Variants in HTR1F observed in about 807,000 individuals in gnomAD.
HTR1F encodes the protein 5-hydroxytryptamine (serotonin) receptor 1F, G protein-coupled.
In HTR1F, 17 loss-of-function variants were observed where a neutral mutation model predicts 24.0. The observed-to-expected ratio is 0.71, with a 90% CI of 0.48 to 1.06. The LOEUF is 1.06. Among genes scored for constraint, HTR1F ranks in the 50% least tolerant of loss-of-function variants. The pLI, the probability that HTR1F is intolerant of heterozygous loss-of-function variation, is 0.00. For missense variants in HTR1F, 391 were observed against 427.8 expected (o/e 0.91, Z 0.76); for synonymous variants, 186 against 156.8 (o/e 1.19, Z -1.39).
intron 2 of HTR1F, among the ~76,000 whole-genome samples, chr3:87,906,361 G>A (rs73847706): frequency 0.089 from 13,546 of 151,986 alleles, 647 homozygotes; most frequent in African/African-American, 0.12. Flanking sequence ...GTCATTATAT[G>A]ACTATTTTGA....
intron 2 of HTR1F, among the ~76,000 whole-genome samples, chr3:87,886,438 A>G (rs549985978): frequency 6.6e-6 from 1 of 152,212 alleles, no homozygotes; most frequent in East Asian, 1.9e-4. Context: ...CACAAGACAG[A>G]GATGCCCTCT....
At chr3:87,954,466 T>C (rs747488754) in intron 2 of HTR1F, among the ~76,000 whole-genome samples, 12 of 151,718 alleles carry the variant, frequency 7.9e-5, no homozygotes, top group South Asian at 4.1e-4. Context: ...ACTTTTAGAT[T>C]AAACCTGTTC....
chr3:87,824,135 A>G (rs958141769), intron 2 of HTR1F, among the ~76,000 whole-genome samples: 1 of 152,072 alleles, frequency 6.6e-6, no homozygotes, highest in Non-Finnish European at 1.5e-5. Context: ...GATATCAAAG[A>G]GCTATAAATC....
chr3:87,888,645 A>T (rs968843841), intron 2 of HTR1F, among the ~76,000 whole-genome samples: 20 of 152,290 alleles, frequency 1.3e-4, no homozygotes, highest in Non-Finnish European at 2.4e-4. Context: ...GAAGTATAAC[A>T]CTAAATAATT....
chr3:87,889,122 G>T (rs1214933663), intron 2 of HTR1F, among the ~76,000 whole-genome samples: 2 of 152,016 alleles, frequency 1.3e-5, no homozygotes, highest in African/African-American at 4.8e-5. Flanking sequence ...TGCCTCTCTG[G>T]CCATGTAATC....
At chr3:87,929,793 G>C (rs1252195211) in intron 2 of HTR1F, among the ~76,000 whole-genome samples, 1 of 151,956 alleles carries the variant, frequency 6.6e-6, no homozygotes, top group African/African-American at 2.4e-5. Flanking sequence ...GCTCTTTTTG[G>C]GCTCCATATG....
chr3:87,967,883 A>G (rs937212858), intron 2 of HTR1F, among the ~76,000 whole-genome samples: 8 of 152,156 alleles, frequency 5.3e-5, no homozygotes, highest in Non-Finnish European at 8.8e-5. Flanking sequence ...GCGCAGCTGT[A>G]AAGATACCTG....
chr3:87,934,794 C>T (rs943257435), intron 2 of HTR1F, among the ~76,000 whole-genome samples: 1 of 152,138 alleles, frequency 6.6e-6, no homozygotes, highest in African/African-American at 2.4e-5. Flanking sequence ...AGCAATTTAC[C>T]TCACAGCCTA....
At chr3:87,978,861 G>C (rs1303684698) in intron 2 of HTR1F, among the ~76,000 whole-genome samples, 3 of 121,078 alleles carry the variant, frequency 2.5e-5, no homozygotes, top group African/African-American at 8.9e-5. Flanking sequence ...GGAGTGGAAA[G>C]AAGGATGGAA....
intron 2 of HTR1F, among the ~76,000 whole-genome samples, chr3:87,940,745 A>G (rs1358078126): frequency 1.3e-5 from 2 of 152,238 alleles, no homozygotes; most frequent in Non-Finnish European, 2.9e-5. Flanking sequence ...TGCAGTAACC[A>G]AAACAGCATG....
At chr3:87,876,020 G>C (rs1575974904) in intron 2 of HTR1F, among the ~76,000 whole-genome samples, 1 of 151,314 alleles carries the variant, frequency 6.6e-6, no homozygotes, top group Non-Finnish European at 1.5e-5. Flanking sequence ...AACATCATTA[G>C]TCACCAGTGA....
intron 2 of HTR1F, among the ~76,000 whole-genome samples, chr3:87,869,667 A>C (rs541685950): frequency 2.6e-5 from 4 of 152,046 alleles, no homozygotes; most frequent in Non-Finnish European, 5.9e-5. Context: ...ACACAAGAAA[A>C]ACTGATGTTA....
At position 87,848,707 on chromosome 3, in the gene HTR1F, C is replaced by A. The variant is rs1268379756; in HGVS notation, c.-43+26583C>A. Among the ~76,000 whole-genome samples, 4 of 151,632 alleles carry A rather than the reference C, an allele frequency of 2.6e-5. No homozygotes were observed. The South Asian group carries it at 6.2e-4, about 24-fold the overall frequency. On this transcript the variant is annotated intron_variant, in intron 2 of 2. Transcript: ENST00000319595. ...TGACATGATTGTGTATCTAGAAAAC[C>A]CCATCATCTCAGCCCAAAATCTCCT...
At chr3:87,897,090 G>C (rs1706214221) in intron 2 of HTR1F, among the ~76,000 whole-genome samples, 1 of 151,886 alleles carries the variant, frequency 6.6e-6, no homozygotes, top group Non-Finnish European at 1.5e-5. Flanking sequence ...ATTATCACCT[G>C]TTAAAGATAT....
intron 2 of HTR1F, among the ~76,000 whole-genome samples, chr3:87,846,390 T>C (rs1704944952): frequency 6.6e-6 from 1 of 151,822 alleles, no homozygotes; most frequent in Admixed American, 6.6e-5. Context: ...TGAGCCAAGA[T>C]TGTGCCACTG....
intron 2 of HTR1F, among the ~76,000 whole-genome samples, chr3:87,854,167 A>G (rs1705151145): frequency 6.6e-6 from 1 of 151,862 alleles, no homozygotes; most frequent in African/African-American, 2.4e-5. Flanking sequence ...TAGAATTTTA[A>G]CCCCATTTCC....
chr3:87,852,359 C>G (rs1361720414), intron 2 of HTR1F, among the ~76,000 whole-genome samples: 2 of 151,322 alleles, frequency 1.3e-5, no homozygotes, highest in African/African-American at 4.9e-5. Flanking sequence ...TTGTTCATTC[C>G]CAGATTTTAG....
rs180704076 is a variant in HTR1F at position 87,882,578 on chromosome 3, A to G, written c.-43+60454A>G. Among the ~76,000 whole-genome samples the G allele has an allele frequency of 4.0e-3, 614 of 152,130 alleles. 6 individuals are homozygous for G. Among genetic ancestry groups the G allele is most frequent in the Non-Finnish European group, 6.4e-3 (435 of 68,000 alleles). ...TGTAGGGACATGGATGAAATTGGAA[A>G]TCATCATTCTCAGTAAACTATCAAG... On this transcript the variant is annotated intron_variant, in intron 2 of 2. Transcript: ENST00000319595.
intron 2 of HTR1F, among the ~76,000 whole-genome samples, chr3:87,876,756 C>A (rs1705680450): frequency 6.6e-6 from 1 of 152,100 alleles, no homozygotes; most frequent in Non-Finnish European, 1.5e-5. Flanking sequence ...GTCTGTAGAG[C>A]TACCGAAGAA....
Sources: gnomAD v4.1 joint callset for allele counts (sites outside exome capture counted in the v4.1 genomes callset) on GRCh38, gnomAD v4.1.1 for gene constraint, MANE v1.5 for transcripts, NCBI Gene and HGNC (gene_info 2026-07-23, HGNC 2026-07-21) for gene names.